Variants in TSHZ2 observed in about 807,000 individuals in gnomAD.
TSHZ2 encodes teashirt zinc finger homeobox 2.
In TSHZ2, 21 loss-of-function variants were observed where a neutral mutation model predicts 74.4. The ratio of observed to expected loss-of-function variants is 0.28; its 90% CI spans 0.20 to 0.41. TSHZ2 has a LOEUF of 0.41. Among genes scored for constraint, TSHZ2 ranks in the 10% least tolerant of loss-of-function variants. TSHZ2 has a pLI of 1.00. For missense variants in TSHZ2, 1,244 were observed against 1,293.5 expected, an observed-to-expected ratio of 0.96 and a Z score of 0.59; for synonymous variants, 540 against 515.3, an observed-to-expected ratio of 1.05 and a Z score of -0.65.
In TSHZ2 at chr20:53,256,365, A is replaced by G. The variant is rs1286487883; in HGVS notation, c.2907A>G (p.Gln969=). The part of the protein sequence containing the change: ...LSVDQQSKVE[Q]EISRVSSAQR... ...TGGACCAGCAAAGCAAGGTGGAGCA[A>G]GAGATCTCCCGGGTATCGTCGGCTC... Residue 969 remains glutamine, a synonymous_variant, in exon 2 of 3, where the codon CAA becomes CAG. Coordinates refer to ENST00000371497, the MANE Select transcript of TSHZ2 (RefSeq NM_173485.6). This position sits in a 1 kb window ranked among gnomAD's most constrained non-coding sequence, Gnocchi z 4.3. 5 of 1,613,268 alleles carry G rather than the reference A, an allele frequency of 3.1e-6. No homozygotes were observed. The highest frequency in any genetic ancestry group is 2.2e-5 in the East Asian group (1 of 44,860).
chr20:53,451,495 C>A (rs1241484598), intron 2 of TSHZ2, among the ~76,000 whole-genome samples: 1 of 152,228 alleles, frequency 6.6e-6, no homozygotes, highest in Non-Finnish European at 1.5e-5. Flanking sequence ...ACAAGCCAAA[C>A]TGCTTCCTGC....
intron 2 of TSHZ2, among the ~76,000 whole-genome samples, chr20:53,303,513 A>G (rs1978391568): frequency 1.3e-5 from 2 of 152,256 alleles, no homozygotes; most frequent in African/African-American, 4.8e-5. Flanking sequence ...CAGCGATTAC[A>G]TGAAGTTTTC....
At chr20:53,327,774 C>T (rs1006824603) in intron 2 of TSHZ2, among the ~76,000 whole-genome samples, 5 of 152,090 alleles carry the variant, frequency 3.3e-5, no homozygotes, top group Admixed American at 2.0e-4. Context: ...CTTCAGGGTA[C>T]GATAAGAGCT....
At chr20:53,009,583 C>T (rs1250255378) in intron 1 of TSHZ2, among the ~76,000 whole-genome samples, 1 of 151,994 alleles carries the variant, frequency 6.6e-6, no homozygotes, top group Non-Finnish European at 1.5e-5. Context: ...TAACTGAAAC[C>T]ACAGAAAGCA....
intron 2 of TSHZ2, among the ~76,000 whole-genome samples, chr20:53,293,720 A>C (rs78865333): frequency 7.6e-6 from 1 of 131,050 alleles, no homozygotes; most frequent in Non-Finnish European, 1.5e-5. Flanking sequence ...AAAAAAAAAG[A>C]AAAGAAACAG....
chr20:53,342,664 C>T (rs536622840), intron 2 of TSHZ2, among the ~76,000 whole-genome samples: 1 of 152,058 alleles, frequency 6.6e-6, no homozygotes. Context: ...AAACCAAGGC[C>T]AAGAAAGGTT....
intron 1 of TSHZ2, among the ~76,000 whole-genome samples, chr20:53,062,731 G>T (rs1214131842): frequency 6.6e-6 from 1 of 152,166 alleles, no homozygotes; most frequent in Non-Finnish European, 1.5e-5. Flanking sequence ...CCTATCATTT[G>T]TGTGTTCAGT....
rs1055275381 is a variant in TSHZ2, at chr20:53,491,008, CCTT to C, written c.*3877_*3879del. 5.3e-5 allele frequency: 8 copies of C among 151,514 alleles called. No individual in the cohort carries two copies. The East Asian group carries it at 5.8e-4, about 11-fold the overall frequency. 9.4% of individuals were successfully genotyped at this position (151,514 alleles called of 1,614,324 possible). On this transcript the variant is annotated 3_prime_UTR_variant, in exon 3 of 3. Transcript: ENST00000371497. ...CTCAGGTTATTTGACTGTGTTCAAA[CCTT>C]CTTTTCTTTTTCATTGAGTTTCATT... is the stretch of plus-strand genomic sequence containing the variant.
chr20:53,336,386 A>T (rs1979948785), intron 2 of TSHZ2, among the ~76,000 whole-genome samples: 1 of 152,216 alleles, frequency 6.6e-6, no homozygotes, highest in Non-Finnish European at 1.5e-5. Context: ...GTCTGTAGCT[A>T]GTATATTTTA....
chr20:53,332,945 G>A (rs911936657), intron 2 of TSHZ2, among the ~76,000 whole-genome samples: 5 of 152,162 alleles, frequency 3.3e-5, no homozygotes, highest in Non-Finnish European at 7.4e-5. Context: ...CTGACAGGCC[G>A]AGATCCTTCC....
chr20:53,266,840 C>T (rs1033912140), intron 2 of TSHZ2, among the ~76,000 whole-genome samples: 38 of 147,762 alleles, frequency 2.6e-4, no homozygotes, highest in African/African-American at 7.3e-4. Context: ...TGCAGTGGCA[C>T]GATCTCGGCT....
Position 53,293,720 on chromosome 20 carries a change from A to G in TSHZ2, c.*8+37149A>G, listed in dbSNP as rs78865333. Among the ~76,000 whole-genome samples the G allele has an allele frequency of 2.0e-3, 265 of 131,086 alleles. 2 individuals are homozygous for G. Among genetic ancestry groups the G allele is most frequent in the African/African-American group, 9.9e-3 (249 of 25,028 alleles). 86.0% of individuals were successfully genotyped at this position (131,086 alleles called of 152,430 possible). A position where few individuals can be genotyped will look rare whatever the true frequency, so the allele number is the denominator to read the frequency against. ...GCTCTCAAAAAAAAAAAAAAAAAAG[A>G]AAAGAAACAGGTCCTGGCCAGGCAT... On this transcript the variant is annotated intron_variant, in intron 2 of 2. Transcript: ENST00000371497.
rs142348534 is a variant in TSHZ2 at position 52,979,554 on chromosome 20, C to T, written c.40+6221C>T. ...AGACACAGAAGAGAAATCTGAGATGCGAGTGGGAATTGCTGATATATTTGT... is the reference window on the plus strand; with the variant it reads ...AGACACAGAAGAGAAATCTGAGATGTGAGTGGGAATTGCTGATATATTTGT... On this transcript the variant is annotated intron_variant, in intron 1 of 2. Coordinates refer to ENST00000371497, the MANE Select transcript of TSHZ2 (RefSeq NM_173485.6). Among the ~76,000 whole-genome samples, 356 of 152,150 alleles carry T rather than the reference C, an allele frequency of 2.3e-3. 3 individuals are homozygous for T. Among genetic ancestry groups the T allele is most frequent in the South Asian group, 0.012 (56 of 4,826 alleles).
At chr20:53,150,012 AAAG>A (rs1313445628) in intron 1 of TSHZ2, among the ~76,000 whole-genome samples, 2 of 152,218 alleles carry the variant, frequency 1.3e-5, no homozygotes, top group Non-Finnish European at 2.9e-5. Context: ...AAAGTAATAA[AAAG>A]AAGTTAACAC....
chr20:53,049,124 C>G (rs867439251), intron 1 of TSHZ2, among the ~76,000 whole-genome samples: 1 of 152,108 alleles, frequency 6.6e-6, no homozygotes, highest in Non-Finnish European at 1.5e-5. Flanking sequence ...GCGTCAGGCC[C>G]TTTGTAAGCA....
intron 1 of TSHZ2, among the ~76,000 whole-genome samples, chr20:53,094,706 A>G (rs1985988525): frequency 6.6e-6 from 1 of 152,198 alleles, no homozygotes; most frequent in African/African-American, 2.4e-5. Context: ...GGTGTCAAAA[A>G]TGCTACTATG....
chr20:52,973,820 G>C (rs1981224264), intron 1 of TSHZ2, among the ~76,000 whole-genome samples: 1 of 152,166 alleles, frequency 6.6e-6, no homozygotes, highest in Non-Finnish European at 1.5e-5. Flanking sequence ...CCAGCAATAG[G>C]AGTTTAGCGT....
chr20:53,353,657 C>T (rs1980739941), intron 2 of TSHZ2, among the ~76,000 whole-genome samples: 1 of 152,180 alleles, frequency 6.6e-6, no homozygotes, highest in Non-Finnish European at 1.5e-5. Flanking sequence ...CAAACTTTTA[C>T]ACATATACGT....
chr20:53,122,077 A>C (rs1385822701), intron 1 of TSHZ2, among the ~76,000 whole-genome samples: 3 of 152,106 alleles, frequency 2.0e-5, no homozygotes, highest in African/African-American at 7.2e-5. Flanking sequence ...GGTTGAGCTC[A>C]GTAGTTTGAG....
Sources: allele counts gnomAD v4.1 joint callset (sites outside exome capture counted in the v4.1 genomes callset), GRCh38; gene constraint gnomAD v4.1.1; non-coding constraint Gnocchi (gnomAD v3.1); transcripts MANE v1.5; gene names NCBI Gene and HGNC (gene_info 2026-07-23, HGNC 2026-07-21).